Variants in FOXJ3 observed in about 807,000 individuals in gnomAD.
The protein encoded by FOXJ3 is forkhead box protein J3.
A neutral mutation model predicts 76.1 loss-of-function variants in FOXJ3; 22 were observed. The observed-to-expected ratio is 0.29, with a 90% CI of 0.21 to 0.41. The LOEUF (loss-of-function observed/expected upper bound fraction) is 0.41. FOXJ3 is among the 10% of genes least tolerant of loss of function. FOXJ3 has a pLI of 1.00. For synonymous variants in FOXJ3, 269 were observed against 261.2 expected, an observed-to-expected ratio of 1.03 and a Z score of -0.29; for missense variants, 613 against 762.1, an observed-to-expected ratio of 0.80 and a Z score of 2.30.
intron 3 of FOXJ3, among the ~76,000 whole-genome samples, chr1:42,270,662 A>G (rs539433230): frequency 4.1e-4 from 63 of 152,268 alleles, no homozygotes; most frequent in African/African-American, 1.5e-3. Flanking sequence ...TAATCAATCA[A>G]TATGATGAAG....
At chr1:42,192,521 G>A (rs1646569750) in intron 8 of FOXJ3, among the ~76,000 whole-genome samples, 1 of 152,148 alleles carries the variant, frequency 6.6e-6, no homozygotes, top group African/African-American at 2.4e-5. Flanking sequence ...CTATGAAGAG[G>A]AACTTTTTAC....
At chr1:42,315,543 T>A in intron 1 of FOXJ3, 1 of 253,982 alleles carries the variant, frequency 3.9e-6, no homozygotes, top group Non-Finnish European at 6.2e-6. Context: ...CAATCTGCTC[T>A]AGCTTCAATG....
intron 1 of FOXJ3, among the ~76,000 whole-genome samples, chr1:42,332,239 A>G (rs1048094377): frequency 1.3e-5 from 2 of 151,852 alleles, no homozygotes; most frequent in South Asian, 4.2e-4. Flanking sequence ...TTATACTACT[A>G]CCCTCCCAAC....
At position 42,179,744 on chromosome 1, in the gene FOXJ3, A is replaced by C; in HGVS notation, c.1835T>G (p.Ile612Ser). 1 of 1,613,700 alleles carries C rather than the reference A, an allele frequency of 6.2e-7. No individual in the cohort carries two copies. Residue 612 changes from isoleucine to serine, a missense_variant, in exon 13 of 13, where the codon ATC becomes AGC. Transcript: ENST00000361346. ...TGAATCCCAATCAAAGTCATCCTGG[A>C]TGTCATCTGGAGGCAGGGAACGCCG... ...QMRRSLPPDDIQDDFDWDSIV is the reference protein window; with the variant it reads ...QMRRSLPPDDSQDDFDWDSIV
intron 11 of FOXJ3, among the ~76,000 whole-genome samples, chr1:42,183,562 G>A (rs1296964199): frequency 3.3e-5 from 5 of 151,800 alleles, no homozygotes; most frequent in Non-Finnish European, 7.4e-5. Flanking sequence ...TTATAAAAGC[G>A]GTTCACATTG....
intron 1 of FOXJ3, among the ~76,000 whole-genome samples, chr1:42,334,429 G>C (rs1234242558): frequency 2.0e-5 from 3 of 152,152 alleles, no homozygotes. Context: ...AGGGGGGGCG[G>C]GAGACACTCT....
In FOXJ3 at chr1:42,298,704, G is replaced by A. The variant is rs138863673; in HGVS notation, c.44+12346C>T. 3.3e-5 allele frequency among the ~76,000 whole-genome samples: 5 copies of A among 152,018 alleles called. No homozygotes were observed. The East Asian group carries it at 9.7e-4, about 29-fold the overall frequency. On this transcript the variant is annotated intron_variant, in intron 2 of 12. Transcript: ENST00000361346. ...CTTTTCTTCTGCTAGCTTTTTGTGTGGTTTGTTATTTTTCTAGTTCCTTGA... is the reference window on the plus strand; with the variant it reads ...CTTTTCTTCTGCTAGCTTTTTGTGTAGTTTGTTATTTTTCTAGTTCCTTGA...
chr1:42,294,270 G>A (rs944330314), intron 2 of FOXJ3, among the ~76,000 whole-genome samples: 7 of 152,114 alleles, frequency 4.6e-5, no homozygotes, highest in Non-Finnish European at 1.5e-5. Flanking sequence ...TCATACCAAT[G>A]CCCTTTCTCA....
At chr1:42,328,752 G>A (rs761320578) in intron 1 of FOXJ3, among the ~76,000 whole-genome samples, 2 of 146,096 alleles carry the variant, frequency 1.4e-5, no homozygotes, top group South Asian at 2.1e-4. Flanking sequence ...TTGCAACCTC[G>A]GCCTCCCAGG....
At position 42,284,752 on chromosome 1, in the gene FOXJ3, A is replaced by G. The variant is rs570410696; in HGVS notation, c.45-6080T>C. ...TTCCTTAGGAGCTAAAAGAGGTCAA[A>G]TAACTTGGATGAAGGAAAATATCTT... On this transcript the variant is annotated intron_variant, in intron 2 of 12. Transcript: ENST00000361346. Among the ~76,000 whole-genome samples the G allele has an allele frequency of 2.5e-4, 38 of 152,354 alleles. No homozygotes were observed. The South Asian group carries it at 7.9e-3, about 32-fold the overall frequency.
At chr1:42,312,347 T>C (rs1654864268) in intron 1 of FOXJ3, among the ~76,000 whole-genome samples, 2 of 152,198 alleles carry the variant, frequency 1.3e-5, no homozygotes, top group South Asian at 4.1e-4. Context: ...TATAAGCGAC[T>C]GCACCTGGCC....
chr1:42,254,218 T>A (rs548082085), intron 4 of FOXJ3, among the ~76,000 whole-genome samples: 1 of 150,860 alleles, frequency 6.6e-6, no homozygotes, highest in South Asian at 2.1e-4. Context: ...GAAAAAATGC[T>A]CATCATCACT....
intron 1 of FOXJ3, among the ~76,000 whole-genome samples, chr1:42,319,350 C>T (rs2455083): frequency 0.18 from 26,703 of 152,194 alleles, 2,532 homozygotes; most frequent in Admixed American, 0.25. Flanking sequence ...AATGTTACAA[C>T]ATGTATAACC....
intron 5 of FOXJ3, among the ~76,000 whole-genome samples, chr1:42,211,153 TCTC>T (rs1361237932): frequency 1.3e-5 from 2 of 152,102 alleles, no homozygotes; most frequent in Admixed American, 6.5e-5. Context: ...TGGGATTTCT[TCTC>T]CTCTTGCCCA....
At chr1:42,270,379 G>A (rs1182535815) in intron 3 of FOXJ3, among the ~76,000 whole-genome samples, 1 of 152,044 alleles carries the variant, frequency 6.6e-6, no homozygotes, top group Non-Finnish European at 1.5e-5. Flanking sequence ...GTTCCATGAG[G>A]GTAGGAACCT....
At chr1:42,184,249 C>CG (rs1218351942) in intron 11 of FOXJ3, among the ~76,000 whole-genome samples, 1 of 152,028 alleles carries the variant, frequency 6.6e-6, no homozygotes, top group Non-Finnish European at 1.5e-5. Context: ...ACACATCTTT[C>CG]GAGTTCATGT....
At chr1:42,256,573 C>G (rs1650604524) in intron 4 of FOXJ3, among the ~76,000 whole-genome samples, 2 of 152,136 alleles carry the variant, frequency 1.3e-5, no homozygotes, top group Admixed American at 1.3e-4. Flanking sequence ...GTTAAAAAGA[C>G]AGGTAATAAC....
At chr1:42,314,662 T>A (rs1655005328) in intron 1 of FOXJ3, among the ~76,000 whole-genome samples, 1 of 152,232 alleles carries the variant, frequency 6.6e-6, no homozygotes, top group South Asian at 2.1e-4. Context: ...CACTGACAGA[T>A]GGGCATGAGG....
intron 4 of FOXJ3, among the ~76,000 whole-genome samples, chr1:42,241,806 A>T (rs1248708559): frequency 1.3e-5 from 2 of 152,218 alleles, no homozygotes; most frequent in East Asian, 1.9e-4. Flanking sequence ...AGCTGCCTTG[A>T]GGCCGAATGG....
Sources: allele counts gnomAD v4.1 joint callset (sites outside exome capture counted in the v4.1 genomes callset), GRCh38; gene constraint gnomAD v4.1.1; transcripts MANE v1.5; gene names NCBI Gene and HGNC (gene_info 2026-07-23, HGNC 2026-07-21).